TEC: variants seen among roughly 807,000 people sequenced by gnomAD.
TEC encodes the protein tyrosine-protein kinase Tec.
Under a neutral mutation model 93.0 loss-of-function variants are expected in TEC, and 72 were observed. That is an observed-to-expected ratio of 0.77 (90% confidence interval 0.64 to 0.94). TEC has a LOEUF of 0.94. Among genes scored for constraint, TEC ranks in the 40% least tolerant of loss-of-function variants. The pLI, the probability that TEC is intolerant of heterozygous loss-of-function variation, is 0.00. For missense variants in TEC, 630 were observed against 757.9 expected, an observed-to-expected ratio of 0.83 and a Z score of 1.98; for synonymous variants, 249 against 247.7, an observed-to-expected ratio of 1.01 and a Z score of -0.05.
At chr4:48,168,083 C>A (rs1720947237) in intron 6 of TEC, 130 bp from the exon 7 acceptor site, 1 of 764,338 alleles carries the variant, frequency 1.3e-6, no homozygotes, top group Non-Finnish European at 2.1e-6. Context: ...TATAATCCAA[C>A]AAACTCTCAT....
At chr4:48,232,769 A>G (rs969261220) in intron 1 of TEC, among the ~76,000 whole-genome samples, 2 of 152,248 alleles carry the variant, frequency 1.3e-5, no homozygotes, top group Non-Finnish European at 2.9e-5. Flanking sequence ...GGAAACAACA[A>G]TAGAATTTTG....
chr4:48,172,192 A>G (rs778986056), intron 3 of TEC, among the ~76,000 whole-genome samples: 15 of 152,208 alleles, frequency 9.9e-5, no homozygotes, highest in Non-Finnish European at 1.6e-4. Flanking sequence ...CATTTCTAAT[A>G]TTATTAATAA....
At chr4:48,138,323 G>T (rs1292528737) in intron 17 of TEC, among the ~76,000 whole-genome samples, 1 of 151,946 alleles carries the variant, frequency 6.6e-6, no homozygotes, top group African/African-American at 2.4e-5. Context: ...AACCAACTCT[G>T]GTAAAAAAAT....
chr4:48,252,401 A>AT (rs1724227992), intron 1 of TEC, among the ~76,000 whole-genome samples: 2 of 151,858 alleles, frequency 1.3e-5, no homozygotes, highest in African/African-American at 4.8e-5. Context: ...TTTTTTTTTA[A>AT]TTTTCAAGCA....
At chr4:48,150,766 G>T in intron 10 of TEC, 97 bp downstream of exon 10, 1 of 814,018 alleles carries the variant, frequency 1.2e-6, no homozygotes, top group Non-Finnish European at 1.8e-6. Flanking sequence ...ATGGTGAAAT[G>T]CTGCATATTT....
intron 6 of TEC, 38 bp from the exon 7 acceptor site, chr4:48,167,991 T>C: frequency 6.3e-7 from 1 of 1,586,032 alleles, no homozygotes; most frequent in South Asian, 1.1e-5. Flanking sequence ...TTTAGTCTTC[T>C]ATATGAAACT....
At chr4:48,247,488 T>C (rs1256451068) in intron 1 of TEC, among the ~76,000 whole-genome samples, 1 of 152,180 alleles carries the variant, frequency 6.6e-6, no homozygotes, top group Non-Finnish European at 1.5e-5. Context: ...AACAACCCAA[T>C]GTCTGCCAAC....
chr4:48,228,780 T>C, intron 1 of TEC, 121 bp from the exon 2 acceptor site: 1 of 751,348 alleles, frequency 1.3e-6, no homozygotes. Context: ...TATTGATCTC[T>C]GTGCCCAAAC....
chr4:48,152,072 T>A (rs1408133586), intron 9 of TEC, among the ~76,000 whole-genome samples: 1 of 152,078 alleles, frequency 6.6e-6, no homozygotes, highest in Non-Finnish European at 1.5e-5. Context: ...ATTAAATAAA[T>A]AAGGCTCCAC....
At chr4:48,247,082 G>T (rs1175971303) in intron 1 of TEC, among the ~76,000 whole-genome samples, 1 of 151,784 alleles carries the variant, frequency 6.6e-6, no homozygotes, top group Non-Finnish European at 1.5e-5. Context: ...ATGGGTGAAG[G>T]ATTTGAATAG....
intron 7 of TEC, among the ~76,000 whole-genome samples, chr4:48,165,989 C>T (rs1413743170): frequency 6.6e-6 from 1 of 152,220 alleles, no homozygotes; most frequent in Non-Finnish European, 1.5e-5. Flanking sequence ...TCCCATGCTC[C>T]TTTCTGGGTA....
chr4:48,157,123 T>A (rs940875298), intron 8 of TEC, among the ~76,000 whole-genome samples: 25 of 152,348 alleles, frequency 1.6e-4, no homozygotes, highest in African/African-American at 6.0e-4. Context: ...TAAAAATCAT[T>A]TTTAATTTTT....
At chr4:48,250,502 T>C (rs1724171862) in intron 1 of TEC, among the ~76,000 whole-genome samples, 1 of 152,206 alleles carries the variant, frequency 6.6e-6, no homozygotes, top group Admixed American at 6.5e-5. Flanking sequence ...CTTTGACCAA[T>C]GGGACAGTAG....
chr4:48,229,366 C>A (rs1469754465), intron 1 of TEC, among the ~76,000 whole-genome samples: 2 of 152,312 alleles, frequency 1.3e-5, no homozygotes, highest in East Asian at 3.9e-4. Context: ...TAGACTGAGC[C>A]TTTTAAAATT....
chr4:48,203,324 C>T (rs1004051760), intron 2 of TEC, among the ~76,000 whole-genome samples: 7 of 149,264 alleles, frequency 4.7e-5, no homozygotes, highest in African/African-American at 1.5e-4. Flanking sequence ...GAGATTGCAC[C>T]ACTGCACTCC....
chr4:48,228,555 C>G lies in TEC; in HGVS notation c.60G>C (p.Lys20Asn), dbSNP rs760902506. The G allele has an allele frequency of 6.2e-7, 1 of 1,613,868 alleles. No individual in the cohort carries two copies. The highest frequency in any genetic ancestry group is 1.3e-5 in the African/African-American group (1 of 75,038). Reference sequence around the variant, plus strand: ...TCTCTTTGTAGTTTAAGGGCGATGTCTTCTTTTTCTGCTGTGACCTTTTAA... The same window carrying G: ...TCTCTTTGTAGTTTAAGGGCGATGTGTTCTTTTTCTGCTGTGACCTTTTAA... ...ILIKRSQQKK[K>N]TSPLNYKERL... The change falls in exon 2 of 18, where the codon AAG becomes AAC. Residue 20 changes from lysine (K) to asparagine (N), a missense_variant. Coordinates refer to ENST00000381501, the MANE Select transcript of TEC (RefSeq NM_003215.3).
intron 2 of TEC, among the ~76,000 whole-genome samples, chr4:48,211,151 A>T (rs896212388): frequency 3.3e-5 from 5 of 152,246 alleles, no homozygotes; most frequent in African/African-American, 1.2e-4. Flanking sequence ...AATCTGGCAC[A>T]AGAGTCCATC....
chr4:48,215,114 T>C (rs1255794836), intron 2 of TEC, among the ~76,000 whole-genome samples: 2 of 151,400 alleles, frequency 1.3e-5, no homozygotes, highest in African/African-American at 2.4e-5. Flanking sequence ...GATCATGCCA[T>C]TGCACTCCAG....
At chr4:48,192,381 T>A (rs1722122767) in intron 2 of TEC, among the ~76,000 whole-genome samples, 1 of 152,134 alleles carries the variant, frequency 6.6e-6, no homozygotes, top group Non-Finnish European at 1.5e-5. Flanking sequence ...TAAAGTGGCA[T>A]GAGAAAACTT....
Sources: allele counts gnomAD v4.1 joint callset (sites outside exome capture counted in the v4.1 genomes callset), GRCh38; gene constraint gnomAD v4.1.1; transcripts MANE v1.5; gene names NCBI Gene and HGNC (gene_info 2026-07-23, HGNC 2026-07-21).